Variants in DPP6 observed in about 807,000 individuals in gnomAD.
The protein encoded by DPP6 is dipeptidyl peptidase like 6, also known as A-type potassium channel modulatory protein DPP6.
A neutral mutation model predicts 122.6 loss-of-function variants in DPP6; 69 were observed. That is an observed-to-expected ratio of 0.56 (90% CI 0.46 to 0.69). The LOEUF (loss-of-function observed/expected upper bound fraction) is 0.69, where lower values mean the gene tolerates loss of function less well. DPP6 is among the 30% of genes least tolerant of loss of function. The probability of loss-of-function intolerance (pLI) is 0.00; values close to 1 mark genes in which losing one functional copy is unlikely to be tolerated. For missense variants in DPP6, 928 were observed against 1,116.9 expected, an observed-to-expected ratio of 0.83 and a Z score of 2.41; for synonymous variants, 418 against 433.1, an observed-to-expected ratio of 0.97 and a Z score of 0.43.
At chr7:154,432,480 T>C (rs1586254405) in intron 1 of DPP6, among the ~76,000 whole-genome samples, 2 of 152,328 alleles carry the variant, frequency 1.3e-5, no homozygotes, top group Non-Finnish European at 2.9e-5. Context: ...GAGATAGCCT[T>C]TTAATAGAGA....
intron 5 of DPP6, among the ~76,000 whole-genome samples, chr7:154,629,245 C>T (rs979497034): frequency 6.6e-6 from 1 of 152,070 alleles, no homozygotes; most frequent in African/African-American, 2.4e-5. Flanking sequence ...GAAAATAAAC[C>T]CTTTGAGTAA....
intron 1 of DPP6, among the ~76,000 whole-genome samples, chr7:154,081,888 C>T (rs2533675): frequency 8.5e-5 from 13 of 152,088 alleles, no homozygotes; most frequent in South Asian, 2.1e-4. Flanking sequence ...GTGTATGTGA[C>T]GGAAAATGGA....
intron 10 of DPP6, among the ~76,000 whole-genome samples, chr7:154,779,284 CA>C (rs1796875441): frequency 2.2e-5 from 2 of 90,896 alleles, no homozygotes; most frequent in African/African-American, 3.2e-5. Context: ...CCTCCACCAC[CA>C]CCCCCACTAC....
At chr7:153,959,207 C>T (rs1563049585) in intron 1 of DPP6, among the ~76,000 whole-genome samples, 1 of 151,822 alleles carries the variant, frequency 6.6e-6, no homozygotes, top group Non-Finnish European at 1.5e-5. Context: ...AAGGCTGGGG[C>T]TTCTGACTTC....
chr7:154,394,027 T>A (rs1029927319), intron 1 of DPP6, among the ~76,000 whole-genome samples: 3 of 152,220 alleles, frequency 2.0e-5, no homozygotes, highest in African/African-American at 7.2e-5. Context: ...GTATGTTACA[T>A]TTTGCTCATC....
chr7:153,803,512 C>T, the DPP6 span, among the ~76,000 whole-genome samples: 276 of 152,068 alleles, frequency 1.8e-3, 1 homozygote, highest in African/African-American at 4.8e-3. Context: ...CCCTTGGACT[C>T]GGATTCACGC....
chr7:154,865,106 A>T (rs1471652176), intron 17 of DPP6, among the ~76,000 whole-genome samples: 1 of 152,202 alleles, frequency 6.6e-6, no homozygotes, highest in Non-Finnish European at 1.5e-5. Context: ...AGATTTGGCC[A>T]TCCAGACAGG....
At chr7:154,698,287 AGCTGGACCATGTAT>A (rs1455596153) in intron 7 of DPP6, among the ~76,000 whole-genome samples, 10 of 152,248 alleles carry the variant, frequency 6.6e-5, no homozygotes, top group Non-Finnish European at 1.2e-4. Context: ...CAGCTAGACC[AGCTGGACCATGTAT>A]AATATTCCCT....
rs1302540636 is a variant in DPP6 at position 154,792,632 on chromosome 7, G to A, written c.1137-1447G>A. ...GCAGGGGGGAGGGCATGGTCCCTGTGGACATGCAAGCCAGGTTCTGGGGCA... is the reference window on the plus strand; with the variant it reads ...GCAGGGGGGAGGGCATGGTCCCTGTAGACATGCAAGCCAGGTTCTGGGGCA... On this transcript the variant is annotated intron_variant, in intron 10 of 25. Transcript: ENST00000377770. 8.5e-5 allele frequency among the ~76,000 whole-genome samples: 13 copies of A among 152,234 alleles called. 1 individual carries two copies. Among genetic ancestry groups the A allele is most frequent in the South Asian group, 2.1e-4 (1 of 4,836 alleles).
At chr7:154,794,281 T>A (rs1797872928) in intron 11 of DPP6, 79 bp downstream of exon 11, 4 of 1,464,106 alleles carry the variant, frequency 2.7e-6, no homozygotes, top group Non-Finnish European at 3.6e-6. Context: ...GCCAGAGTCG[T>A]CTCAGCCCTC....
Position 154,892,473 on chromosome 7 carries a change from A to G in DPP6, c.2591A>G (p.Glu864Gly). Residue 864 changes from glutamate to glycine, a missense_variant, in exon 26 of 26, where the codon GAG becomes GGG. Physicochemically the swap from Glu to Gly is moderately conservative, Grantham distance 98 (BLOSUM62 -2). Transcript: ENST00000377770. ...GTCACAGCGAAAGAGGACGAGGAGG[A>G]GGACTAAGCTCAGGTCGCTCTAAGC... The part of the protein sequence containing the change: ...LTVTAKEDEE[E>G]D 1 of 1,609,256 alleles carries G rather than the reference A, an allele frequency of 6.2e-7. No homozygotes were observed. Among genetic ancestry groups the G allele is most frequent in the South Asian group, 1.1e-5 (1 of 90,998 alleles).
At chr7:153,901,023 A>T (rs770210989) in intron 1 of DPP6, among the ~76,000 whole-genome samples, 34 of 152,168 alleles carry the variant, frequency 2.2e-4, no homozygotes, top group Non-Finnish European at 4.7e-4. Flanking sequence ...TTTGGCTATG[A>T]TTACTTACAG....
chr7:154,763,972 C>T (rs1047574415), intron 8 of DPP6, among the ~76,000 whole-genome samples: 1 of 98,968 alleles, frequency 1.0e-5, no homozygotes, highest in Admixed American at 9.5e-5. Flanking sequence ...GTGCACTCAC[C>T]TTGCACAGAC....
At chr7:153,776,539 A>C in the DPP6 span, among the ~76,000 whole-genome samples, 4 of 152,140 alleles carry the variant, frequency 2.6e-5, no homozygotes, top group African/African-American at 9.7e-5. Context: ...TTTATAAATT[A>C]CCCAGTCCTG....
intron 1 of DPP6, among the ~76,000 whole-genome samples, chr7:154,174,298 C>T (rs537070268): frequency 6.6e-5 from 10 of 152,320 alleles, no homozygotes; most frequent in South Asian, 2.1e-4. Context: ...AGTAGATACA[C>T]GGATTCATTA....
intron 1 of DPP6, among the ~76,000 whole-genome samples, chr7:153,929,430 T>C (rs1162262424): frequency 1.3e-5 from 2 of 151,938 alleles, no homozygotes; most frequent in African/African-American, 4.8e-5. Context: ...TTTGCAGATG[T>C]TGGGTTTGAT....
the DPP6 span, among the ~76,000 whole-genome samples, chr7:153,774,177 T>C: frequency 1.3e-5 from 2 of 152,116 alleles, no homozygotes; most frequent in Admixed American, 6.6e-5. Flanking sequence ...AATATGAGGA[T>C]TGACTGGGGA....
intron 1 of DPP6, among the ~76,000 whole-genome samples, chr7:154,322,220 A>G (rs963351845): frequency 6.6e-6 from 1 of 152,194 alleles, no homozygotes; most frequent in African/African-American, 2.4e-5. Context: ...ATGAGCCCAC[A>G]TTCTGAGTTG....
chr7:153,961,319 G>A (rs1795339184), intron 1 of DPP6, among the ~76,000 whole-genome samples: 1 of 132,504 alleles, frequency 7.5e-6, no homozygotes, highest in African/African-American at 3.0e-5. Flanking sequence ...TTGGTAGATG[G>A]TTCATGTCCT....
Sources: gnomAD v4.1 joint callset for allele counts (sites outside exome capture counted in the v4.1 genomes callset) on GRCh38, gnomAD v4.1.1 for gene constraint, MANE v1.5 for transcripts, NCBI Gene and HGNC (gene_info 2026-07-23, HGNC 2026-07-21) for gene names.